CPNE4: variants seen among roughly 807,000 people sequenced by gnomAD.
The protein encoded by CPNE4 is copine 4, also known as copine-4.
CPNE4 carries 25 observed loss-of-function variants against 67.9 expected under a neutral mutation model. The ratio of observed to expected loss-of-function variants is 0.37; its 90% CI spans 0.27 to 0.51. CPNE4 has a LOEUF of 0.51. CPNE4 is among the 20% of genes least tolerant of loss of function. CPNE4 has a pLI of 0.93. For missense variants in CPNE4, 464 were observed against 690.8 expected (o/e 0.67, Z 3.68); for synonymous variants, 242 against 244.9 (o/e 0.99, Z 0.11).
chr3:131,646,265 A>C (rs2079661675), intron 7 of CPNE4, among the ~76,000 whole-genome samples: 1 of 152,212 alleles, frequency 6.6e-6, no homozygotes, highest in African/African-American at 2.4e-5. Flanking sequence ...CCTCTTCTGT[A>C]AAATGAATCA....
At chr3:131,566,006 T>C (rs569567530) in intron 10 of CPNE4, among the ~76,000 whole-genome samples, 1 of 152,084 alleles carries the variant, frequency 6.6e-6, no homozygotes, top group African/African-American at 2.4e-5. Flanking sequence ...TCCATTTTCA[T>C]GTGACATAGG....
intron 2 of CPNE4, among the ~76,000 whole-genome samples, chr3:131,893,503 T>G (rs2088199154): frequency 6.6e-6 from 1 of 151,994 alleles, no homozygotes; most frequent in African/African-American, 2.4e-5. Flanking sequence ...GAACATTTCA[T>G]CCAATAGCTG....
intron 2 of CPNE4, among the ~76,000 whole-genome samples, chr3:131,754,321 A>T (rs2082703312): frequency 6.6e-6 from 1 of 152,140 alleles, no homozygotes; most frequent in Non-Finnish European, 1.5e-5. Context: ...TTGAATAGGA[A>T]TATATATTGA....
chr3:131,797,215 T>C (rs1273704021), intron 2 of CPNE4, among the ~76,000 whole-genome samples: 1 of 152,184 alleles, frequency 6.6e-6, no homozygotes, highest in African/African-American at 2.4e-5. Context: ...CCCCTCATGA[T>C]TTGCAATGAC....
chr3:131,628,305 G>C (rs1289265611), intron 7 of CPNE4, among the ~76,000 whole-genome samples: 1 of 152,210 alleles, frequency 6.6e-6, no homozygotes, highest in Non-Finnish European at 1.5e-5. Flanking sequence ...GTTCCACATG[G>C]CTGGGGAGGC....
At chr3:131,971,183 C>T (rs114647448) in intron 1 of CPNE4, among the ~76,000 whole-genome samples, 12 of 152,244 alleles carry the variant, frequency 7.9e-5, no homozygotes, top group African/African-American at 1.7e-4. Context: ...AGTGCTGACA[C>T]GGTAGTTTCA....
chr3:131,905,026 T>C (rs182285896), intron 2 of CPNE4, among the ~76,000 whole-genome samples: 1 of 152,200 alleles, frequency 6.6e-6, no homozygotes, highest in East Asian at 1.9e-4. Context: ...ATTGTGAGTA[T>C]TTCTTGGTAA....
intron 7 of CPNE4, among the ~76,000 whole-genome samples, chr3:131,669,044 A>T (rs1474223084): frequency 6.6e-6 from 1 of 152,128 alleles, no homozygotes; most frequent in African/African-American, 2.4e-5. Flanking sequence ...AAGAGGTCTT[A>T]TGGGGCTCTG....
chr3:131,568,252 A>T (rs553246077), intron 10 of CPNE4, among the ~76,000 whole-genome samples: 1 of 152,060 alleles, frequency 6.6e-6, no homozygotes, highest in African/African-American at 2.4e-5. Flanking sequence ...GAAGCTGGAG[A>T]TAAAATATCT....
At chr3:131,837,798 A>G (rs1434646691) in intron 2 of CPNE4, among the ~76,000 whole-genome samples, 1 of 152,024 alleles carries the variant, frequency 6.6e-6, no homozygotes, top group Admixed American at 6.6e-5. Flanking sequence ...CAGTCTTGAT[A>G]ATTGTACTAA....
At chr3:131,639,728 C>T (rs2079491211) in intron 7 of CPNE4, among the ~76,000 whole-genome samples, 2 of 152,070 alleles carry the variant, frequency 1.3e-5, no homozygotes, top group South Asian at 4.1e-4. Context: ...AGACCAATAT[C>T]CCTGATGAAC....
chr3:131,825,508 AACAT>A, intron 2 of CPNE4, among the ~76,000 whole-genome samples: 1 of 143,490 alleles, frequency 7.0e-6, no homozygotes, highest in African/African-American at 2.9e-5. Flanking sequence ...AAAAAAAAAA[AACAT>A]TGGTAACTTC....
At chr3:131,827,903 G>T (rs67051425) in intron 2 of CPNE4, among the ~76,000 whole-genome samples, 32,286 of 151,868 alleles carry the variant, frequency 0.21, 3,827 homozygotes, top group Admixed American at 0.33. Flanking sequence ...GGACCTGACA[G>T]ATTCTTAAAA....
At chr3:131,940,855 GAAT>G (rs1224205745) in intron 1 of CPNE4, among the ~76,000 whole-genome samples, 7 of 152,014 alleles carry the variant, frequency 4.6e-5, no homozygotes, top group Admixed American at 2.0e-4. Context: ...CTTTTTAGCA[GAAT>G]AATAGTAAGT....
chr3:131,932,412 T>C (rs181033998), intron 1 of CPNE4, among the ~76,000 whole-genome samples: 1 of 152,228 alleles, frequency 6.6e-6, no homozygotes, highest in Non-Finnish European at 1.5e-5. Flanking sequence ...TGTTCCGTGC[T>C]AGGTACTCAT....
chr3:131,934,211 G>A (rs549324843), intron 1 of CPNE4, among the ~76,000 whole-genome samples: 1 of 152,236 alleles, frequency 6.6e-6, no homozygotes, highest in South Asian at 2.1e-4. Flanking sequence ...TTAGGAAGAC[G>A]ATTGTTGACT....
At chr3:131,622,452 G>A (rs570199467) in intron 7 of CPNE4, among the ~76,000 whole-genome samples, 42 of 152,184 alleles carry the variant, frequency 2.8e-4, no homozygotes, top group Middle Eastern at 3.4e-3. Flanking sequence ...CTAAAGTGTC[G>A]CTCATTTAAA....
intron 2 of CPNE4, among the ~76,000 whole-genome samples, chr3:131,744,747 G>T (rs1312023878): frequency 6.6e-6 from 1 of 152,178 alleles, no homozygotes; most frequent in Non-Finnish European, 1.5e-5. Flanking sequence ...ATTCATCCAG[G>T]TTGTTGTGTG....
chr3:131,814,024 A>G (rs1215225585), intron 2 of CPNE4, among the ~76,000 whole-genome samples: 3 of 152,192 alleles, frequency 2.0e-5, no homozygotes, highest in Non-Finnish European at 1.5e-5. Flanking sequence ...TTTATATGGT[A>G]TAGGATCCAG....
Sources: gnomAD v4.1 joint callset for allele counts (sites outside exome capture counted in the v4.1 genomes callset) on GRCh38, gnomAD v4.1.1 for gene constraint, MANE v1.5 for transcripts, NCBI Gene and HGNC (gene_info 2026-07-23, HGNC 2026-07-21) for gene names.